The following ANAPC1 variants were observed in gnomAD, a reference collection of about 807,000 sequenced individuals.
ANAPC1 encodes the protein anaphase promoting complex subunit 1, also known as anaphase-promoting complex subunit 1.
A neutral mutation model predicts 208.0 loss-of-function variants in ANAPC1; 36 were observed. The ratio of observed to expected loss-of-function variants is 0.17; its 90% CI spans 0.13 to 0.23. The LOEUF is 0.23. Among genes scored for constraint, ANAPC1 ranks in the 10% least tolerant of loss-of-function variants. The probability of loss-of-function intolerance (pLI) is 1.00; values close to 1 mark genes in which losing one functional copy is unlikely to be tolerated. For synonymous variants in ANAPC1, 378 were observed against 695.2 expected (o/e 0.54, Z 7.18); for missense variants, 942 against 2,011.6 (o/e 0.47, Z 10.17).
chr2:111,827,253 G>GA (rs1290869781), intron 21 of ANAPC1, among the ~76,000 whole-genome samples: 1 of 152,058 alleles, frequency 6.6e-6, no homozygotes, highest in Non-Finnish European at 1.5e-5. Flanking sequence ...TAACACAAAG[G>GA]AAAAAGTCTC....
chr2:111,846,003 T>A (rs973703890), intron 16 of ANAPC1, among the ~76,000 whole-genome samples: 1 of 151,514 alleles, frequency 6.6e-6, no homozygotes, highest in Non-Finnish European at 1.5e-5. Flanking sequence ...AAAATACCTT[T>A]TAGAAGGCAA....
At position 111,878,824 on chromosome 2, in the gene ANAPC1, T is replaced by C. The variant is rs1033189905; in HGVS notation, c.361A>G (p.Ser121Gly). ...AATCAACTCACCTGCTGAACAGGAC[T>C]GTCAACTGTAAATGCTTTATAAACT... is the stretch of plus-strand genomic sequence containing the variant. ...LAVYKAFTVD[S>G]PVQQALWCDF... Residue 121 changes from serine (S) to glycine (G), a missense_variant, in exon 3 of 48, where the codon AGT becomes GGT. Ser to Gly is a moderately conservative substitution (Grantham distance 56). Coordinates refer to ENST00000341068, the MANE Select transcript of ANAPC1 (RefSeq NM_022662.4). 13 of 1,599,052 alleles carry C rather than the reference T, an allele frequency of 8.1e-6. No homozygotes were observed. The African/African-American group carries it at 1.2e-4, about 15-fold the overall frequency.
At chr2:111,875,206 T>C (rs1282412456) in intron 3 of ANAPC1, among the ~76,000 whole-genome samples, 1 of 152,252 alleles carries the variant, frequency 6.6e-6, no homozygotes, top group Non-Finnish European at 1.5e-5. Context: ...TTACTGACCA[T>C]GTGTGCATCT....
At chr2:111,818,621 TA>T (rs948404886) in intron 27 of ANAPC1, among the ~76,000 whole-genome samples, 34 of 152,186 alleles carry the variant, frequency 2.2e-4, no homozygotes, top group African/African-American at 7.7e-4. Context: ...ATCACCTCAT[TA>T]AAAAGCAAAA....
At chr2:111,824,287 T>C (rs1452407809) in intron 24 of ANAPC1, among the ~76,000 whole-genome samples, 2 of 148,024 alleles carry the variant, frequency 1.4e-5, no homozygotes, top group East Asian at 4.0e-4. Context: ...TAGAACATAC[T>C]TTAGATAAGA....
Position 111,782,268 on chromosome 2 carries a change from T to C in ANAPC1, c.5202+101A>G, listed in dbSNP as rs537405624. 22 of 1,413,628 alleles carry C rather than the reference T, an allele frequency of 1.6e-5. No homozygotes were observed. In the African/African-American group the frequency reaches 2.8e-4, roughly 18 times the overall value. The allele number at this position is 1,413,628 out of a possible 1,614,324, so 87.6% of individuals were successfully genotyped here. On this transcript the variant is annotated intron_variant, in intron 43 of 47. Coordinates refer to ENST00000341068, the MANE Select transcript of ANAPC1 (RefSeq NM_022662.4). ...AGTCAGTCTTTACAATCTGCAACAA[T>C]GAAAAAGGAAGCAGATCCACCTTTG...
In ANAPC1 at chr2:111,790,418, G is replaced by A. The variant is rs10196339; in HGVS notation, c.4712+1944C>T. On this transcript the variant is annotated intron_variant, in intron 38 of 47. Transcript: ENST00000341068. ...ACAATGGAGTATTGGTGCAAGTACA[G>A]AAAAACAGACCAGCAAAACCTAATA... Among the ~76,000 whole-genome samples the A allele has an allele frequency of 5.9e-3, 902 of 152,260 alleles. 10 individuals carry two copies. The highest frequency in any genetic ancestry group is 0.021 in the African/African-American group (868 of 41,524).
intron 39 of ANAPC1, among the ~76,000 whole-genome samples, chr2:111,787,629 T>C (rs1239932036): frequency 1.3e-5 from 2 of 152,170 alleles, no homozygotes; most frequent in Non-Finnish European, 2.9e-5. Context: ...ATCTGCTATG[T>C]CTCAAACTAT....
intron 17 of ANAPC1, among the ~76,000 whole-genome samples, chr2:111,841,064 T>G (rs1040871262): frequency 1.3e-5 from 2 of 152,012 alleles, no homozygotes; most frequent in Admixed American, 6.5e-5. Flanking sequence ...GAAAAGAAAA[T>G]TGTCCCTATT....
At chr2:111,860,594 G>A (rs1470878753) in intron 10 of ANAPC1, among the ~76,000 whole-genome samples, 9 of 146,856 alleles carry the variant, frequency 6.1e-5, no homozygotes, top group African/African-American at 2.3e-4. Flanking sequence ...TCAACTCTCA[G>A]GGCCACACTT....
Position 111,880,760 on chromosome 2 carries a change from A to G in ANAPC1, c.66T>C (p.Pro22=). Residue 22 remains proline (P), a synonymous_variant, in exon 2 of 48, where the codon CCT becomes CCC. Transcript: ENST00000341068. ...IAARDLQEFV[P]FGRDHCKHHP... ...GGTGCTTGCAGTGGTCTCGACCAAA[A>G]GGAACAAATTCCTGCAAATCCCTTG... The G allele has an allele frequency of 6.2e-7, 1 of 1,613,966 alleles. No individual in the cohort carries two copies. Among genetic ancestry groups the G allele is most frequent in the Non-Finnish European group, 8.5e-7 (1 of 1,179,876 alleles).
chr2:111,833,626 G>A (rs896639746), intron 19 of ANAPC1, among the ~76,000 whole-genome samples: 46 of 139,574 alleles, frequency 3.3e-4, no homozygotes, highest in Admixed American at 7.0e-4. Context: ...TAGAAAATGG[G>A]GCAATACCAG....
At chr2:111,879,083 T>C (rs1042452608) in intron 2 of ANAPC1, 112 bp from the exon 3 acceptor site, 4 of 872,598 alleles carry the variant, frequency 4.6e-6, no homozygotes, top group African/African-American at 3.2e-5. Context: ...ACACAACTCC[T>C]ACAAAGTTTG....
intron 16 of ANAPC1, among the ~76,000 whole-genome samples, chr2:111,844,561 C>T (rs1266590301): frequency 8.6e-6 from 1 of 116,888 alleles, no homozygotes; most frequent in Non-Finnish European, 1.9e-5. Flanking sequence ...TAGAGCGAAA[C>T]TCTGTCTCAA....
intron 13 of ANAPC1, among the ~76,000 whole-genome samples, chr2:111,852,106 C>T (rs112882561): frequency 0.28 from 41,315 of 148,600 alleles, 6,187 homozygotes; most frequent in Non-Finnish European, 0.33. Flanking sequence ...TCTCAAACCC[C>T]TAATTTACGA....
chr2:111,807,703 AT>A (rs550357919), intron 29 of ANAPC1, among the ~76,000 whole-genome samples: 29 of 143,110 alleles, frequency 2.0e-4, no homozygotes, highest in African/African-American at 5.7e-4. Context: ...AAAAAAAAAA[AT>A]TTTTAATGTA....
chr2:111,857,921 C>A (rs910645446), intron 11 of ANAPC1, among the ~76,000 whole-genome samples: 1 of 151,930 alleles, frequency 6.6e-6, no homozygotes, highest in Non-Finnish European at 1.5e-5. Context: ...AAAAACATCA[C>A]GCTAAGTGAA....
At position 111,792,822 on chromosome 2, in the gene ANAPC1, G is replaced by A. The variant is rs533956407; in HGVS notation, c.4519-267C>T. On this transcript the variant is annotated intron_variant, in intron 37 of 47. Coordinates refer to ENST00000341068, the MANE Select transcript of ANAPC1 (RefSeq NM_022662.4). ...CAAAAAGTTAGCCGGGCGTGGTGGC[G>A]GGCGCCTGTGGTCCCAGCTGCTCGG... 1.4e-4 allele frequency among the ~76,000 whole-genome samples: 22 copies of A among 152,102 alleles called. No individual in the cohort carries two copies. In the East Asian group the frequency reaches 1.7e-3, roughly 12 times the overall value.
At chr2:111,879,857 A>C (rs1683206240) in intron 2 of ANAPC1, among the ~76,000 whole-genome samples, 1 of 151,872 alleles carries the variant, frequency 6.6e-6, no homozygotes, top group Non-Finnish European at 1.5e-5. Flanking sequence ...GGGCAACAAA[A>C]GTGAAACTCC....
Sources: allele counts gnomAD v4.1 joint callset (sites outside exome capture counted in the v4.1 genomes callset), GRCh38; gene constraint gnomAD v4.1.1; transcripts MANE v1.5; gene names NCBI Gene and HGNC (gene_info 2026-07-23, HGNC 2026-07-21).